CHCHD6: variants seen among roughly 807,000 people sequenced by gnomAD.
The protein encoded by CHCHD6 is MICOS complex subunit MIC25.
A neutral mutation model predicts 32.3 loss-of-function variants in CHCHD6; 28 were observed. That is an observed-to-expected ratio of 0.87 (90% CI 0.64 to 1.19). The LOEUF (loss-of-function observed/expected upper bound fraction) is 1.19, where lower values mean the gene tolerates loss of function less well. Ranked by LOEUF, CHCHD6 falls within the 50% of genes most tolerant of loss-of-function variation. The probability of loss-of-function intolerance (pLI) is 0.00; values close to 1 mark genes in which losing one functional copy is unlikely to be tolerated. For synonymous variants in CHCHD6, 122 were observed against 117.5 expected, an observed-to-expected ratio of 1.04 and a Z score of -0.25; for missense variants, 333 against 307.0, an observed-to-expected ratio of 1.08 and a Z score of -0.63.
rs573888359 is a variant in CHCHD6, at chr3:126,762,412, G to A, written c.411+29190G>A. Reference sequence around the variant, plus strand: ...TCTTCTTTGATAAATTGGTTGTTGAGTATGTGATTTCCACAATATTTGTGA... The same window carrying A: ...TCTTCTTTGATAAATTGGTTGTTGAATATGTGATTTCCACAATATTTGTGA... On this transcript the variant is annotated intron_variant, in intron 4 of 7. Transcript: ENST00000290913. Among the ~76,000 whole-genome samples, 3 of 152,200 alleles carry A rather than the reference G, an allele frequency of 2.0e-5. No individual in the cohort carries two copies. The South Asian group carries it at 6.2e-4, about 32-fold the overall frequency.
chr3:126,730,344 G>A (rs1381703181), intron 2 of CHCHD6, among the ~76,000 whole-genome samples: 2 of 152,208 alleles, frequency 1.3e-5, no homozygotes, highest in Non-Finnish European at 2.9e-5. Flanking sequence ...ACCCCTTCGG[G>A]ATAAGAGGTG....
intron 1 of CHCHD6, among the ~76,000 whole-genome samples, chr3:126,717,413 A>C (rs1310912674): frequency 6.6e-6 from 1 of 152,088 alleles, no homozygotes; most frequent in Non-Finnish European, 1.5e-5. Flanking sequence ...TTAAGATGGC[A>C]CCATTCTCCT....
chr3:126,797,710 C>A (rs1300561286), intron 4 of CHCHD6, among the ~76,000 whole-genome samples: 1 of 152,188 alleles, frequency 6.6e-6, no homozygotes, highest in East Asian at 1.9e-4. Context: ...CCTCTCCTTG[C>A]CCCCAGGGCC....
intron 4 of CHCHD6, among the ~76,000 whole-genome samples, chr3:126,802,101 A>C (rs1044254135): frequency 3.9e-5 from 6 of 152,208 alleles, no homozygotes; most frequent in Non-Finnish European, 7.3e-5. Flanking sequence ...AGATAAAACC[A>C]CAAAGATGGG....
intron 6 of CHCHD6, among the ~76,000 whole-genome samples, chr3:126,930,937 G>A (rs908204500): frequency 1.3e-5 from 2 of 152,322 alleles, no homozygotes; most frequent in South Asian, 2.1e-4. Flanking sequence ...TGGCTCTTGG[G>A]AGCGCCCATC....
At chr3:126,821,596 T>G (rs376366777) in intron 4 of CHCHD6, among the ~76,000 whole-genome samples, 11 of 152,350 alleles carry the variant, frequency 7.2e-5, no homozygotes, top group African/African-American at 2.6e-4. Context: ...ACCTGGCCTA[T>G]GATAACTCTT....
At chr3:126,745,405 C>T (rs1936454829) in intron 4 of CHCHD6, among the ~76,000 whole-genome samples, 2 of 152,190 alleles carry the variant, frequency 1.3e-5, no homozygotes, top group African/African-American at 2.4e-5. Context: ...GAGTTGTTAG[C>T]ATGCTTTCAT....
At chr3:126,913,068 A>G (rs954708839) in intron 5 of CHCHD6, among the ~76,000 whole-genome samples, 4 of 152,300 alleles carry the variant, frequency 2.6e-5, no homozygotes, top group Admixed American at 1.3e-4. Context: ...GTGCAAGGCA[A>G]CGCAGCTCTA....
intron 6 of CHCHD6, among the ~76,000 whole-genome samples, chr3:126,917,406 A>G (rs1001809697): frequency 1.3e-5 from 2 of 152,180 alleles, no homozygotes; most frequent in African/African-American, 2.4e-5. Flanking sequence ...TGGACGTAAG[A>G]TGGCAGCAGG....
chr3:126,814,931 T>C (rs183996840), intron 4 of CHCHD6, among the ~76,000 whole-genome samples: 1 of 152,294 alleles, frequency 6.6e-6, no homozygotes, highest in African/African-American at 2.4e-5. Flanking sequence ...CTGACTCCAT[T>C]TCCAGGTAGG....
chr3:126,849,977 G>A (rs567058054), intron 4 of CHCHD6, among the ~76,000 whole-genome samples: 1 of 152,310 alleles, frequency 6.6e-6, no homozygotes, highest in Admixed American at 6.5e-5. Flanking sequence ...AGTGGCGGGT[G>A]CTGCCCAGTG....
At chr3:126,753,976 G>A (rs1209985329) in intron 4 of CHCHD6, among the ~76,000 whole-genome samples, 1 of 152,200 alleles carries the variant, frequency 6.6e-6, no homozygotes, top group African/African-American at 2.4e-5. Flanking sequence ...ATTCCATGTG[G>A]AGGCGGGGGA....
chr3:126,952,119 A>G (rs1369521407), intron 6 of CHCHD6, among the ~76,000 whole-genome samples: 1 of 152,160 alleles, frequency 6.6e-6, no homozygotes, highest in Admixed American at 6.5e-5. Context: ...TGTGGCCTGC[A>G]TTATGTTCTG....
At chr3:126,843,298 G>A (rs1941175455) in intron 4 of CHCHD6, among the ~76,000 whole-genome samples, 1 of 152,106 alleles carries the variant, frequency 6.6e-6, no homozygotes, top group South Asian at 2.1e-4. Flanking sequence ...TGATGGAACT[G>A]ATTTGCCAGT....
chr3:126,869,934 G>A (rs977565903), intron 5 of CHCHD6, among the ~76,000 whole-genome samples: 19 of 152,104 alleles, frequency 1.2e-4, no homozygotes, highest in Admixed American at 3.3e-4. Flanking sequence ...TCTAATCATT[G>A]TTGGAATCTC....
chr3:126,831,118 G>A (rs1403847173), intron 4 of CHCHD6, among the ~76,000 whole-genome samples: 2 of 152,042 alleles, frequency 1.3e-5, no homozygotes, highest in Non-Finnish European at 2.9e-5. Context: ...CCACCTCCCG[G>A]GTTCACGCCA....
intron 5 of CHCHD6, chr3:126,865,622 G>A (rs980603606): frequency 3.0e-6 from 3 of 985,004 alleles, no homozygotes; most frequent in African/African-American, 1.8e-5. Flanking sequence ...CCACCATTTT[G>A]ATTGCTGCTG....
At chr3:126,864,608 ACCTCCACCACCTCCTTCT>A (rs1312980664) in intron 5 of CHCHD6, among the ~76,000 whole-genome samples, 1 of 112,670 alleles carries the variant, frequency 8.9e-6, no homozygotes, top group Non-Finnish European at 1.9e-5. Context: ...CTTCTCCTCC[ACCTCCACCACCTCCTTCT>A]CCTCCACCAC....
At chr3:126,935,624 A>G (rs983411390) in intron 6 of CHCHD6, among the ~76,000 whole-genome samples, 4 of 152,348 alleles carry the variant, frequency 2.6e-5, no homozygotes, top group African/African-American at 9.6e-5. Flanking sequence ...CTAAATGCCT[A>G]TTTAAGCAAA....
Sources: gnomAD v4.1 joint callset for allele counts (sites outside exome capture counted in the v4.1 genomes callset) on GRCh38, gnomAD v4.1.1 for gene constraint, MANE v1.5 for transcripts, NCBI Gene and HGNC (gene_info 2026-07-23, HGNC 2026-07-21) for gene names.